NPLOC4: variants seen among roughly 807,000 people sequenced by gnomAD.
NPLOC4 encodes the protein nuclear protein localization protein 4 homolog.
Under a neutral mutation model 80.6 loss-of-function variants are expected in NPLOC4, and 18 were observed. The ratio of observed to expected loss-of-function variants is 0.22; its 90% CI spans 0.15 to 0.33. The LOEUF is 0.33. Among genes scored for constraint, NPLOC4 ranks in the 10% least tolerant of loss-of-function variants. The pLI is 1.00. For synonymous variants in NPLOC4, 313 were observed against 301.5 expected (o/e 1.04, Z -0.39); for missense variants, 540 against 786.1 (o/e 0.69, Z 3.74).
In NPLOC4 at chr17:81,567,594, C is replaced by G; in HGVS notation, c.1450-61G>C. 1 of 1,025,158 alleles carries G rather than the reference C, an allele frequency of 9.8e-7. No homozygotes were observed. The highest frequency in any genetic ancestry group is 1.5e-6 in the Non-Finnish European group (1 of 665,976). 63.5% of individuals were successfully genotyped at this position (1,025,158 alleles called of 1,614,324 possible). A position where few individuals can be genotyped will look rare whatever the true frequency, so the allele number is the denominator to read the frequency against. ...AGTTCCCCAGTGCCAGACCCCGAAA[C>G]AGAGCTGTTTCCTACTAAGACGCAA... On this transcript the variant is annotated intron_variant, in intron 14 of 16. Coordinates refer to ENST00000331134, the MANE Select transcript of NPLOC4 (RefSeq NM_017921.4). The surrounding 1 kb of genome is among the most constrained non-coding windows in gnomAD (Gnocchi z 4.5).
intron 11 of NPLOC4, among the ~76,000 whole-genome samples, chr17:81,593,996 G>A (rs529717108): frequency 5.9e-5 from 9 of 152,170 alleles, no homozygotes; most frequent in East Asian, 3.9e-4. Flanking sequence ...TGACTCGGCC[G>A]GGCGCAGTGG....
At chr17:81,587,034 A>G (rs1030880914) in intron 12 of NPLOC4, among the ~76,000 whole-genome samples, 1 of 152,258 alleles carries the variant, frequency 6.6e-6, no homozygotes, top group Non-Finnish European at 1.5e-5. Context: ...GCACGCCAGT[A>G]ACAAGGACAG....
intron 1 of NPLOC4, among the ~76,000 whole-genome samples, chr17:81,632,267 C>G (rs73369300): frequency 0.047 from 7,206 of 151,960 alleles, 293 homozygotes; most frequent in East Asian, 0.22. Context: ...GAGCCACCAA[C>G]CCTGGCCTAG....
intron 7 of NPLOC4, among the ~76,000 whole-genome samples, chr17:81,605,658 A>T (rs2035182980): frequency 6.6e-6 from 1 of 151,832 alleles, no homozygotes. Flanking sequence ...AAAAAAAAAA[A>T]AAAATGCTCT....
At chr17:81,619,068 G>A (rs1291067341) in intron 3 of NPLOC4, among the ~76,000 whole-genome samples, 2 of 152,118 alleles carry the variant, frequency 1.3e-5, no homozygotes, top group Non-Finnish European at 1.5e-5. Flanking sequence ...AAACACTGCG[G>A]AAGGCCGCAG....
rs1245267872 is a variant in NPLOC4 at position 81,558,650 on chromosome 17, A to G, written c.*609T>C. 1 of 152,268 alleles carries G rather than the reference A, an allele frequency of 6.6e-6. No individual in the cohort carries two copies. The highest frequency in any genetic ancestry group is 1.5e-5 in the Non-Finnish European group (1 of 68,082). 9.4% of individuals were successfully genotyped at this position (152,268 alleles called of 1,614,324 possible). A position where few individuals can be genotyped will look rare whatever the true frequency, so the allele number is the denominator to read the frequency against. On this transcript the variant is annotated 3_prime_UTR_variant, in exon 17 of 17. Transcript: ENST00000331134. ...ATAACTGTTATTATAACCAATGCAG[A>G]CTTTAAAATCCCACCTGGACATCGG...
Position 81,577,065 on chromosome 17 carries a change from G to A in NPLOC4, c.1282-4977C>T, listed in dbSNP as rs1355118780. Among the ~76,000 whole-genome samples the A allele has an allele frequency of 2.0e-5, 3 of 152,154 alleles. No individual in the cohort carries two copies. The highest frequency in any genetic ancestry group is 7.2e-5 in the African/African-American group (3 of 41,432). ...CCAAGTGCTGTTCACAGTGCCAGATGCCAACAAACCCCACGGCCTGCTGAG... is the reference window on the plus strand; with the variant it reads ...CCAAGTGCTGTTCACAGTGCCAGATACCAACAAACCCCACGGCCTGCTGAG... On this transcript the variant is annotated intron_variant, in intron 12 of 16. Transcript: ENST00000331134. The surrounding 1 kb of genome is among the most constrained non-coding windows in gnomAD (Gnocchi z 4.3).
intron 1 of NPLOC4, among the ~76,000 whole-genome samples, chr17:81,631,640 C>T (rs1353012192): frequency 6.6e-6 from 1 of 151,900 alleles, no homozygotes; most frequent in African/African-American, 2.4e-5. Flanking sequence ...GCATGCTCTG[C>T]AGCAAACAAA....
At chr17:81,585,660 C>T (rs184125893) in intron 12 of NPLOC4, among the ~76,000 whole-genome samples, 37 of 117,592 alleles carry the variant, frequency 3.1e-4, no homozygotes, top group African/African-American at 1.4e-3. Context: ...GACTCCATTT[C>T]TGGGGGGGGG....
intron 8 of NPLOC4, among the ~76,000 whole-genome samples, chr17:81,603,903 A>T (rs2035131909): frequency 6.6e-6 from 1 of 152,216 alleles, no homozygotes; most frequent in Non-Finnish European, 1.5e-5. Flanking sequence ...TAATTACAAA[A>T]CAAATTGAAA....
At chr17:81,598,871 T>C (rs919426701) in intron 9 of NPLOC4, among the ~76,000 whole-genome samples, 3 of 152,174 alleles carry the variant, frequency 2.0e-5, no homozygotes, top group Non-Finnish European at 2.9e-5. Context: ...TCACTGTCTT[T>C]AAAGATGCCC....
intron 4 of NPLOC4, among the ~76,000 whole-genome samples, chr17:81,612,310 T>C (rs1473337444): frequency 6.6e-6 from 1 of 152,158 alleles, no homozygotes; most frequent in African/African-American, 2.4e-5. Context: ...GCCTCTGTGC[T>C]TCCTAATAGG....
intron 11 of NPLOC4, among the ~76,000 whole-genome samples, chr17:81,595,814 G>A (rs968608458): frequency 4.6e-5 from 7 of 152,194 alleles, no homozygotes; most frequent in Admixed American, 3.3e-4. Flanking sequence ...AAAGTGCTGG[G>A]ATTACAGGCG....
chr17:81,574,360 G>C (rs1338975305), intron 12 of NPLOC4, among the ~76,000 whole-genome samples: 3 of 152,038 alleles, frequency 2.0e-5, no homozygotes, highest in Non-Finnish European at 4.4e-5. Flanking sequence ...AGAAAATAAA[G>C]GTGTTGTATC....
At chr17:81,599,681 T>G (rs994269840) in intron 9 of NPLOC4, among the ~76,000 whole-genome samples, 11 of 152,222 alleles carry the variant, frequency 7.2e-5, no homozygotes, top group Admixed American at 5.2e-4. Flanking sequence ...TAAGATATGT[T>G]CAAATTCATG....
intron 12 of NPLOC4, among the ~76,000 whole-genome samples, chr17:81,584,335 A>G (rs958562880): frequency 3.9e-5 from 6 of 152,248 alleles, no homozygotes; most frequent in African/African-American, 1.4e-4. Flanking sequence ...CTATGAAAAC[A>G]ACAGAATGAT....
intron 7 of NPLOC4, 117 bp from the exon 8 acceptor site, chr17:81,604,844 A>C: frequency 3.3e-6 from 3 of 897,462 alleles, no homozygotes; most frequent in Non-Finnish European, 5.1e-6. Flanking sequence ...AAACAAACCA[A>C]TAGGGTGTGA....
chr17:81,593,068 G>T (rs2034794267), intron 11 of NPLOC4, among the ~76,000 whole-genome samples: 1 of 152,182 alleles, frequency 6.6e-6, no homozygotes. Context: ...CTGTGGAACT[G>T]TTCCATATCC....
chr17:81,570,377 G>A (rs930439335), intron 13 of NPLOC4, among the ~76,000 whole-genome samples: 1 of 152,220 alleles, frequency 6.6e-6, no homozygotes, highest in Non-Finnish European at 1.5e-5. Flanking sequence ...CTGAAGACAG[G>A]GGAGGTGCTG....
Sources: gnomAD v4.1 joint callset for allele counts (sites outside exome capture counted in the v4.1 genomes callset) on GRCh38, gnomAD v4.1.1 for gene constraint, Gnocchi (gnomAD v3.1) non-coding constraint, MANE v1.5 for transcripts, NCBI Gene and HGNC (gene_info 2026-07-23, HGNC 2026-07-21) for gene names.